Variants in TMC6 observed in about 807,000 individuals in gnomAD.
The protein encoded by TMC6 is transmembrane channel-like protein 6.
In TMC6, 71 loss-of-function variants were observed where a neutral mutation model predicts 95.4. That is an observed-to-expected ratio of 0.74 (90% CI 0.61 to 0.91). The LOEUF (loss-of-function observed/expected upper bound fraction) is 0.91. TMC6 is among the 40% of genes least tolerant of loss of function. The pLI, the probability that TMC6 is intolerant of heterozygous loss-of-function variation, is 0.00. For synonymous variants in TMC6, 514 were observed against 483.1 expected (o/e 1.06, Z -0.84); for missense variants, 1,074 against 1,079.1 (o/e 1.00, Z 0.07).
At chr17:78,131,340 G>T, upstream of TMC6, 1 of 591,816 alleles carries the variant, frequency 1.7e-6, no homozygotes. Flanking sequence ...GGCTGGGCCC[G>T]AATTCGACCG....
In TMC6 at chr17:78,127,398, CA is replaced by C. The variant is rs3841246; in HGVS notation, c.-74-493del. On this transcript the variant is annotated intron_variant, in intron 1 of 19. Transcript: ENST00000590602. ...CAACCAGCCCCAGGCGGAAGCAGCA[CA>C]GGGGGCTCCTCCCCCACACACAGAG... Among the ~76,000 whole-genome samples the C allele has an allele frequency of 2.6e-4, 39 of 152,336 alleles. No homozygotes were observed. The East Asian group carries it at 6.2e-3, about 24-fold the overall frequency.
At chr17:78,113,800 G>A (rs1331543473) in intron 18 of TMC6, 176 bp from the exon 19 acceptor site, 10 of 684,470 alleles carry the variant, frequency 1.5e-5, no homozygotes, top group African/African-American at 3.6e-5. Flanking sequence ...AAAACCAAGA[G>A]CCAGGAAGTG....
At chr17:78,129,706 C>A (rs1288485688), upstream of TMC6, among the ~76,000 whole-genome samples, 1 of 152,180 alleles carries the variant, frequency 6.6e-6, no homozygotes, top group Non-Finnish European at 1.5e-5. The surrounding 1 kb of genome is among the most constrained non-coding windows in gnomAD (Gnocchi z 4.3). Context: ...CCTCAGATGG[C>A]TACCCCAAGC....
chr17:78,122,264 C>G lies in TMC6; in HGVS notation c.1227+341G>C, dbSNP rs2074451896. Among the ~76,000 whole-genome samples, 1 of 152,170 alleles carries G rather than the reference C, an allele frequency of 6.6e-6. No homozygotes were observed. The highest frequency in any genetic ancestry group is 1.5e-5 in the Non-Finnish European group (1 of 68,018). On this transcript the variant is annotated intron_variant, in intron 10 of 19. Transcript: ENST00000590602. This position sits in a 1 kb window ranked among gnomAD's most constrained non-coding sequence, Gnocchi z 4.9. Reference sequence around the variant, plus strand: ...AAGGTGACAGTCCTCACCCACTGGCCTCCTATGGCCACCAACCAAGCTAAC... The same window carrying G: ...AAGGTGACAGTCCTCACCCACTGGCGTCCTATGGCCACCAACCAAGCTAAC...
At chr17:78,119,237 G>A (rs1442668579) in intron 14 of TMC6, 60 bp downstream of exon 14, 43 of 1,589,816 alleles carry the variant, frequency 2.7e-5, no homozygotes, top group South Asian at 6.6e-5. Flanking sequence ...CAGGACCCCC[G>A]GGGGGAAAGG....
rs769361838 is a variant in TMC6 at position 78,121,573 on chromosome 17, A to C, written c.1366T>G (p.Ser456Ala). ...LGCAVAVHVF[S>A]EFMIQSPEAA... ...CCCCGCACCTGGATCATGAACTCCGAGAAGACGTGGACGGCCACGGCGCAG... is the reference window on the plus strand; with the variant it reads ...CCCCGCACCTGGATCATGAACTCCGCGAAGACGTGGACGGCCACGGCGCAG... The change falls in exon 11 of 20, where the codon TCG (serine) becomes GCG (alanine). Residue 456 changes from serine to alanine, a missense_variant. Ser to Ala is a moderately conservative substitution (Grantham distance 99). Transcript: ENST00000590602. The surrounding 1 kb of genome is among the most constrained non-coding windows in gnomAD (Gnocchi z 5.6). 5 of 1,611,312 alleles carry C rather than the reference A, an allele frequency of 3.1e-6. No individual in the cohort carries two copies. The highest frequency in any genetic ancestry group is 4.2e-6 in the Non-Finnish European group (5 of 1,179,720).
chr17:78,113,172 C>A lies in TMC6; in HGVS notation c.2394G>T (p.Leu798=). 6.4e-7 allele frequency: 1 copy of A among 1,558,190 alleles called. No individual in the cohort carries two copies. Among genetic ancestry groups the A allele is most frequent in the African/African-American group, 1.4e-5 (1 of 73,980 alleles). ...CCTAGGCATCCTGTTCATCTGTGAG[C>A]AGGGCAGGGGGTGCCGCAGCCTCCT... is the stretch of plus-strand genomic sequence containing the variant. ...TTEEAAAPPA[L]LTDEQDA Residue 798 remains leucine (L), a synonymous_variant, in exon 20 of 20, where the codon CTG becomes CTT. Transcript: ENST00000590602.
chr17:78,132,070 G>A (rs1245726486), upstream of TMC6: 1 of 1,534,754 alleles, frequency 6.5e-7, no homozygotes, highest in Non-Finnish European at 8.7e-7. Context: ...TGCCCTCTCT[G>A]GAGCCCCACT....
chr17:78,132,139 A>T, upstream of TMC6: 1 of 1,499,202 alleles, frequency 6.7e-7, no homozygotes, highest in Non-Finnish European at 9.0e-7. Context: ...GGGTCCCCCG[A>T]CCAATCGGCC....
In TMC6 at chr17:78,120,823, G is replaced by T. The variant is rs752435878; in HGVS notation, c.1545C>A (p.Ile515=). ...GTGTCCCCAGGATGGCCAGCTTGAG[G>T]ATGAGGTTCCTGCGGAGGGCGGGGT... The part of the protein sequence containing the change: ...EVYVAICRNL[I]LKLAILGTLC... The change falls in exon 13 of 20, where the codon ATC becomes ATA. Residue 515 remains isoleucine, a synonymous_variant. Transcript: ENST00000590602. 3 of 1,612,488 alleles carry T rather than the reference G, an allele frequency of 1.9e-6. No individual in the cohort carries two copies. Among genetic ancestry groups the T allele is most frequent in the South Asian group, 2.2e-5 (2 of 91,086 alleles).
In TMC6 at chr17:78,119,058, G is replaced by A. The variant is rs375975416; in HGVS notation, c.1812-12C>T. The A allele has an allele frequency of 1.3e-6, 2 of 1,571,978 alleles. No individual in the cohort carries two copies. The highest frequency in any genetic ancestry group is 2.7e-5 in the African/African-American group (2 of 73,736). On this transcript the variant is annotated splice_polypyrimidine_tract_variant and intron_variant, in intron 14 of 19. Coordinates refer to ENST00000590602, the MANE Select transcript of TMC6 (RefSeq NM_001127198.5). Reference sequence around the variant, plus strand: ...AGAGCACCCCCAGCCTGGGGAGGGGGTGGCAGTTCAGGGGCTGCTCCAGTG... The same window carrying A: ...AGAGCACCCCCAGCCTGGGGAGGGGATGGCAGTTCAGGGGCTGCTCCAGTG...
rs903687985 is a variant in TMC6, at chr17:78,118,896, T to G, written c.1887+75A>C. ...TGGGGAGGGTTCTAGTGTCCCAGGC[T>G]CTGCCCAGCTGAGTCCTGCCCCCAC... On this transcript the variant is annotated intron_variant, in intron 15 of 19. Transcript: ENST00000590602. 252 of 1,490,488 alleles carry G rather than the reference T, an allele frequency of 1.7e-4. 1 individual carries two copies. The highest frequency in any genetic ancestry group is 2.1e-4 in the Non-Finnish European group (225 of 1,093,172). The allele number at this position is 1,490,488 out of a possible 1,614,324, so 92.3% of individuals were successfully genotyped here. A position where few individuals can be genotyped will look rare whatever the true frequency, so the allele number is the denominator to read the frequency against.
rs961179989 is a variant in TMC6 at position 78,110,266 on chromosome 17, T to A, written c.*2882A>T. On this transcript the variant is annotated 3_prime_UTR_variant, in exon 20 of 20. Transcript: ENST00000590602. ...GTTCATGTCTGTAATCCCAGCACTTTGGGAGGCCGAGGCGGGCAGATCACT... is the reference window on the plus strand; with the variant it reads ...GTTCATGTCTGTAATCCCAGCACTTAGGGAGGCCGAGGCGGGCAGATCACT... 33 of 152,092 alleles carry A rather than the reference T, an allele frequency of 2.2e-4. No individual in the cohort carries two copies. The highest frequency in any genetic ancestry group is 8.0e-4 in the African/African-American group (33 of 41,312). 9.4% of individuals were successfully genotyped at this position (152,092 alleles called of 1,614,324 possible).
At chr17:78,128,862 T>G (rs1456296579), upstream of TMC6, 1 of 117,830 alleles carries the variant, frequency 8.5e-6, no homozygotes, top group Non-Finnish European at 1.8e-5. This position sits in a 1 kb window ranked among gnomAD's most constrained non-coding sequence, Gnocchi z 4.0. Flanking sequence ...GCCCCCGCCC[T>G]CCTCCGGGCG....
chr17:78,125,010 G>T (rs767087118), intron 6 of TMC6, 25 bp from the exon 7 acceptor site: 12 of 1,564,686 alleles, frequency 7.7e-6, no homozygotes, highest in Admixed American at 3.7e-5. Context: ...AGCCATAGGT[G>T]CCTGGACCAA....
rs58863680 is a variant in TMC6, at chr17:78,112,320, G to A, written c.*828C>T. 4.9e-6 allele frequency: 1 copy of A among 204,032 alleles called. No individual in the cohort carries two copies. Among genetic ancestry groups the A allele is most frequent in the Non-Finnish European group, 1.0e-5 (1 of 99,142 alleles). The allele number at this position is 204,032 out of a possible 1,614,324, so 12.6% of individuals were successfully genotyped here. ...CCTGGGCTGTCATGGGCTGGTCCCT[G>A]CAGACCTGGAGCACGGGGTCATGAC... On this transcript the variant is annotated 3_prime_UTR_variant, in exon 20 of 20. Transcript: ENST00000590602.
rs752934054 is a variant in TMC6 at position 78,112,763 on chromosome 17, G to A, written c.*385C>T. 3.2e-6 allele frequency: 1 copy of A among 309,252 alleles called. No individual in the cohort carries two copies. The highest frequency in any genetic ancestry group is 6.1e-6 in the Non-Finnish European group (1 of 163,910). The allele number at this position is 309,252 out of a possible 1,614,324, so 19.2% of individuals were successfully genotyped here. A position where few individuals can be genotyped will look rare whatever the true frequency, so the allele number is the denominator to read the frequency against. On this transcript the variant is annotated 3_prime_UTR_variant, in exon 20 of 20. Coordinates refer to ENST00000590602, the MANE Select transcript of TMC6 (RefSeq NM_001127198.5). ...GGCAGCAAGCGAATCAAGCCCTGGC[G>A]CGGTCCAGCCCCTGCCATCTGGGGC...
upstream of TMC6, among the ~76,000 whole-genome samples, chr17:78,129,169 C>T (rs2074895314): frequency 6.6e-6 from 1 of 151,602 alleles, no homozygotes; most frequent in South Asian, 2.1e-4. This position sits in a 1 kb window ranked among gnomAD's most constrained non-coding sequence, Gnocchi z 4.3. Flanking sequence ...CCGACCCCGG[C>T]GGGGGGAGCC....
rs2073796308 is a variant in TMC6 at position 78,110,103 on chromosome 17, A to G, written c.*3045T>C. 6.5e-6 allele frequency: 1 copy of G among 153,478 alleles called. No homozygotes were observed. The highest frequency in any genetic ancestry group is 1.4e-5 in the Non-Finnish European group (1 of 69,038). The allele number at this position is 153,478 out of a possible 1,614,324, so 9.5% of individuals were successfully genotyped here. A position where few individuals can be genotyped will look rare whatever the true frequency, so the allele number is the denominator to read the frequency against. On this transcript the variant is annotated 3_prime_UTR_variant, in exon 20 of 20. Coordinates refer to ENST00000590602, the MANE Select transcript of TMC6 (RefSeq NM_001127198.5). ...AAAAAATTCACATCCAAAATTTTAA[A>G]GATAATTCAAATCCAAATCAACTCA...
Sources: allele counts gnomAD v4.1 joint callset (sites outside exome capture counted in the v4.1 genomes callset), GRCh38; gene constraint gnomAD v4.1.1; non-coding constraint Gnocchi (gnomAD v3.1); transcripts MANE v1.5; gene names NCBI Gene and HGNC (gene_info 2026-07-23, HGNC 2026-07-21).